The following AASDHPPT variants were observed in gnomAD, a reference collection of about 807,000 sequenced individuals.
AASDHPPT encodes L-aminoadipate-semialdehyde dehydrogenase-phosphopantetheinyl transferase.
A neutral mutation model predicts 36.4 loss-of-function variants in AASDHPPT; 23 were observed. The observed-to-expected ratio is 0.63, with a 90% CI of 0.45 to 0.89. The LOEUF is 0.89. AASDHPPT is among the 40% of genes least tolerant of loss of function. The probability of loss-of-function intolerance (pLI) is 0.00; values close to 1 mark genes in which losing one functional copy is unlikely to be tolerated. For synonymous variants in AASDHPPT, 115 were observed against 128.0 expected (o/e 0.90, Z 0.68); for missense variants, 377 against 378.2 (o/e 1.00, Z 0.03).
intron 2 of AASDHPPT, among the ~76,000 whole-genome samples, chr11:106,081,922 G>A (rs1861146080): frequency 1.3e-5 from 2 of 151,786 alleles, no homozygotes; most frequent in Non-Finnish European, 2.9e-5. Flanking sequence ...ATGAGTTAAT[G>A]GGTGCAGCAC....
At chr11:106,080,475 A>G (rs1861127619) in intron 2 of AASDHPPT, among the ~76,000 whole-genome samples, 1 of 152,238 alleles carries the variant, frequency 6.6e-6, no homozygotes, top group Non-Finnish European at 1.5e-5. Flanking sequence ...AAGGACCACT[A>G]ACATTTGTGG....
At chr11:106,084,008 A>G (rs1297588218) in intron 2 of AASDHPPT, among the ~76,000 whole-genome samples, 1 of 152,164 alleles carries the variant, frequency 6.6e-6, no homozygotes, top group Admixed American at 6.5e-5. Context: ...AATATCCATA[A>G]TATATAAAGA....
chr11:106,078,756 C>G (rs573328431), intron 1 of AASDHPPT, among the ~76,000 whole-genome samples: 1 of 152,064 alleles, frequency 6.6e-6, no homozygotes. Context: ...AAGAAAAAAA[C>G]CTGAAAGATA....
At position 106,090,595 on chromosome 11, in the gene AASDHPPT, A is replaced by C. The variant is rs753192717; in HGVS notation, c.448A>C (p.Arg150=). The C allele has an allele frequency of 1.3e-6, 2 of 1,599,060 alleles. No homozygotes were observed. Among genetic ancestry groups the C allele is most frequent in the Non-Finnish European group, 1.7e-6 (2 of 1,175,088 alleles). ...TCCAGAATTCTTTCATATTATGAAAAGAAAGTTTACCAACAAAGAATGGGA... is the reference window on the plus strand; with the variant it reads ...TCCAGAATTCTTTCATATTATGAAACGAAAGTTTACCAACAAAGAATGGGA... ...SIPEFFHIMK[R]KFTNKEWETI... is the part of the protein sequence containing the mutation. Residue 150 remains arginine (R), a synonymous_variant, in exon 3 of 6, where the codon AGA becomes CGA. Coordinates refer to ENST00000278618, the MANE Select transcript of AASDHPPT (RefSeq NM_015423.3).
At chr11:106,092,229 T>TA (rs1216598444) in intron 4 of AASDHPPT, 2 of 152,172 alleles carry the variant, frequency 1.3e-5, no homozygotes, top group Non-Finnish European at 2.9e-5. Context: ...CCAAAAATCC[T>TA]AGAGAAGGGA....
Position 106,089,474 on chromosome 11 carries a change from A to G in AASDHPPT, c.410-1083A>G, listed in dbSNP as rs145884452. 173 of 152,210 alleles carry G rather than the reference A, an allele frequency of 1.1e-3. 4 individuals are homozygous for G. The highest frequency in any genetic ancestry group is 0.01 in the Admixed American group (157 of 15,282). 9.4% of individuals were successfully genotyped at this position (152,210 alleles called of 1,614,324 possible). A position where few individuals can be genotyped will look rare whatever the true frequency, so the allele number is the denominator to read the frequency against. ...GAATATTTAGGAAATAATTTACCATATAATAGTTAACATTCATGTATACAC... is the reference window on the plus strand; with the variant it reads ...GAATATTTAGGAAATAATTTACCATGTAATAGTTAACATTCATGTATACAC... On this transcript the variant is annotated intron_variant, in intron 2 of 5. Coordinates refer to ENST00000278618, the MANE Select transcript of AASDHPPT (RefSeq NM_015423.3).
intron 1 of AASDHPPT, among the ~76,000 whole-genome samples, chr11:106,079,197 G>A (rs1591542426): frequency 6.6e-6 from 1 of 152,120 alleles, no homozygotes; most frequent in Non-Finnish European, 1.5e-5. Context: ...ACATGTAAAT[G>A]CACATATATT....
At chr11:106,090,010 C>T (rs779395282) in intron 2 of AASDHPPT, among the ~76,000 whole-genome samples, 7 of 151,782 alleles carry the variant, frequency 4.6e-5, no homozygotes, top group South Asian at 2.1e-4. Context: ...ATTTTTTAGC[C>T]GTGGCAATAA....
intron 5 of AASDHPPT, 38 bp downstream of exon 5, chr11:106,094,692 GA>G: frequency 6.7e-7 from 1 of 1,484,924 alleles, no homozygotes. Flanking sequence ...TAAATAGCAT[GA>G]ATCAATGTTA....
intron 4 of AASDHPPT, 67 bp downstream of exon 4, chr11:106,091,544 T>G: frequency 6.8e-7 from 1 of 1,463,744 alleles, no homozygotes; most frequent in Admixed American, 2.5e-5. Flanking sequence ...GTGTGATTAA[T>G]TTGGGTAAGC....
chr11:106,097,770 T>C lies in AASDHPPT; in HGVS notation c.*863T>C, dbSNP rs1861331694. ...GATCAGGTTACAGAGAAAGGCAATGTCTGACATTTTTGGTCTCTGTTAGAA... is the reference window on the plus strand; with the variant it reads ...GATCAGGTTACAGAGAAAGGCAATGCCTGACATTTTTGGTCTCTGTTAGAA... On this transcript the variant is annotated 3_prime_UTR_variant, in exon 6 of 6. Transcript: ENST00000278618. 6.6e-6 allele frequency: 1 copy of C among 152,136 alleles called. No homozygotes were observed. The highest frequency in any genetic ancestry group is 2.4e-5 in the African/African-American group (1 of 41,434). 9.4% of individuals were successfully genotyped at this position (152,136 alleles called of 1,614,324 possible). A position where few individuals can be genotyped will look rare whatever the true frequency, so the allele number is the denominator to read the frequency against.
intron 4 of AASDHPPT, chr11:106,091,915 A>G (rs1861260255): frequency 6.5e-6 from 1 of 152,978 alleles, no homozygotes; most frequent in Non-Finnish European, 1.5e-5. Context: ...CAGCCAAAAA[A>G]CCCCCCAAAA....
At chr11:106,090,504 C>G in intron 2 of AASDHPPT, 53 bp from the exon 3 acceptor site, 3 of 1,461,096 alleles carry the variant, frequency 2.1e-6, no homozygotes, top group Non-Finnish European at 2.8e-6. Flanking sequence ...AATAGAGCAA[C>G]TTTTTATTTT....
chr11:106,088,898 T>C (rs1056651235), intron 2 of AASDHPPT, among the ~76,000 whole-genome samples: 1 of 152,088 alleles, frequency 6.6e-6, no homozygotes. Context: ...GCAGAAATAC[T>C]TCCTGATGAA....
chr11:106,090,884 CAGTT>C (rs1189730561), intron 3 of AASDHPPT, among the ~76,000 whole-genome samples: 18 of 89,038 alleles, frequency 2.0e-4, no homozygotes, highest in Admixed American at 1.5e-3. Flanking sequence ...ATGTAATGCT[CAGTT>C]AGAAAGTACT....
chr11:106,090,955 GAACT>G (rs1861249408), intron 3 of AASDHPPT, among the ~76,000 whole-genome samples: 1 of 151,918 alleles, frequency 6.6e-6, no homozygotes. Context: ...TGTCATAAAG[GAACT>G]AATACACATG....
At chr11:106,091,535 T>C in intron 4 of AASDHPPT, 58 bp downstream of exon 4, 1 of 1,485,818 alleles carries the variant, frequency 6.7e-7, no homozygotes, top group Admixed American at 2.4e-5. Context: ...TGCATGTATG[T>C]GTGATTAATT....
rs767429201 is a variant in AASDHPPT, at chr11:106,077,727, A to AACGGTTCTG, written c.18_26dup (p.Phe8_Cys9insTer). 3.1e-6 allele frequency: 5 copies of AACGGTTCTG among 1,613,678 alleles called. No homozygotes were observed. Among genetic ancestry groups the AACGGTTCTG allele is most frequent in the Non-Finnish European group, 3.4e-6 (4 of 1,179,792 alleles). The stretch of plus-strand genomic sequence containing the variant: ...TTTCAGTGTATGGTTTTCCCTGCCA[A>AACGGTTCTG]ACGGTTCTGCTTGGTGCCATCCATG... On this transcript the variant is annotated stop_gained and inframe_insertion, in exon 1 of 6. Coordinates refer to ENST00000278618, the MANE Select transcript of AASDHPPT (RefSeq NM_015423.3). LOFTEE classifies it high-confidence loss of function.
chr11:106,093,473 T>A (rs1256581399), intron 4 of AASDHPPT: 1 of 152,180 alleles, frequency 6.6e-6, no homozygotes, highest in Non-Finnish European at 1.5e-5. Context: ...GCAGACTTAC[T>A]TTGCGATAAC....
Sources: allele counts gnomAD v4.1 joint callset (sites outside exome capture counted in the v4.1 genomes callset), GRCh38; gene constraint gnomAD v4.1.1; transcripts MANE v1.5; gene names NCBI Gene and HGNC (gene_info 2026-07-23, HGNC 2026-07-21).